Variants in NRG1 observed in about 807,000 individuals in gnomAD.
NRG1 encodes the protein neuregulin 1.
In NRG1, 18 loss-of-function variants were observed where a neutral mutation model predicts 63.8. That is an observed-to-expected ratio of 0.28 (90% CI 0.19 to 0.42). The LOEUF (loss-of-function observed/expected upper bound fraction) is 0.42, where lower values mean the gene tolerates loss of function less well. Ranked by LOEUF, NRG1 falls within the 10% of genes least tolerant of loss-of-function variation. The pLI, the probability that NRG1 is intolerant of heterozygous loss-of-function variation, is 1.00. For missense variants in NRG1, 762 were observed against 814.7 expected (o/e 0.94, Z 0.79); for synonymous variants, 302 against 301.3 (o/e 1.00, Z -0.02).
Position 32,756,412 on chromosome 8 carries a change from GA to G in NRG1, c.809del (p.Lys270SerfsTer17). ...CCTTTCTTATGTCCAGGAAACAGCGGAAAAAGCTGCATGACCGTCTTCGGCA... is the reference window on the plus strand; with the variant it reads ...CCTTTCTTATGTCCAGGAAACAGCGGAAAAGCTGCATGACCGTCTTCGGCA... On this transcript the variant is annotated frameshift_variant, in exon 9 of 12. Transcript: ENST00000356819. LOFTEE classifies it high-confidence loss of function. The G allele has an allele frequency of 6.2e-7, 1 of 1,610,264 alleles. No homozygotes were observed. Among genetic ancestry groups the G allele is most frequent in the Admixed American group, 1.7e-5 (1 of 59,034 alleles).
chr8:31,956,420 A>G (rs939631774), intron 1 of NRG1, among the ~76,000 whole-genome samples: 4 of 152,156 alleles, frequency 2.6e-5, no homozygotes, highest in Non-Finnish European at 2.9e-5. Flanking sequence ...GATCGAGACC[A>G]TCCCGGCTAA....
chr8:32,217,389 G>A (rs938193998), intron 1 of NRG1, among the ~76,000 whole-genome samples: 2 of 152,106 alleles, frequency 1.3e-5, no homozygotes, highest in South Asian at 2.1e-4. Context: ...CACACCTAAC[G>A]GAGCGTCCCC....
At chr8:32,001,630 T>C (rs1258601792) in intron 1 of NRG1, among the ~76,000 whole-genome samples, 1 of 152,026 alleles carries the variant, frequency 6.6e-6, no homozygotes, top group African/African-American at 2.4e-5. Context: ...ACACTACATT[T>C]ATTCATTATG....
chr8:32,446,328 G>C (rs1820239107), intron 1 of NRG1, among the ~76,000 whole-genome samples: 1 of 152,092 alleles, frequency 6.6e-6, no homozygotes, highest in African/African-American at 2.4e-5. Flanking sequence ...TTCAGAAGGG[G>C]CATCTTCTGG....
chr8:32,194,891 A>G (rs1842821381), intron 1 of NRG1, among the ~76,000 whole-genome samples: 1 of 152,200 alleles, frequency 6.6e-6, no homozygotes, highest in Non-Finnish European at 1.5e-5. Flanking sequence ...AAAAATTGTA[A>G]CATACATTTT....
intron 1 of NRG1, among the ~76,000 whole-genome samples, chr8:32,218,066 G>A (rs1300388562): frequency 1.3e-5 from 2 of 152,148 alleles, no homozygotes; most frequent in African/African-American, 2.4e-5. Context: ...TATCTTAAAC[G>A]GTGAAGAATT....
At chr8:32,209,638 C>T (rs1844451393) in intron 1 of NRG1, among the ~76,000 whole-genome samples, 1 of 152,086 alleles carries the variant, frequency 6.6e-6, no homozygotes, top group Non-Finnish European at 1.5e-5. Context: ...AATGTATTTG[C>T]TTTTATCAAA....
intron 1 of NRG1, among the ~76,000 whole-genome samples, chr8:32,058,373 G>T (rs1295616352): frequency 6.6e-6 from 1 of 151,878 alleles, no homozygotes; most frequent in African/African-American, 2.4e-5. Context: ...CACAACACAT[G>T]CATTGCACAC....
intron 1 of NRG1, among the ~76,000 whole-genome samples, chr8:31,670,318 C>T (rs898464514): frequency 6.6e-6 from 1 of 152,182 alleles, no homozygotes; most frequent in African/African-American, 2.4e-5. Context: ...GGCCCCTCCT[C>T]TCCAATCCCT....
chr8:32,155,453 C>T (rs1837955016), intron 1 of NRG1, among the ~76,000 whole-genome samples: 1 of 152,092 alleles, frequency 6.6e-6, no homozygotes, highest in African/African-American at 2.4e-5. Flanking sequence ...CCCCTATTTT[C>T]CCAGCATATA....
rs572335646 is a variant in NRG1 at position 31,893,152 on chromosome 8, A to C, written c.37+253721A>C. On this transcript the variant is annotated intron_variant, in intron 1 of 10. Transcript: ENST00000519301. ...ATTGTTTAATATAACCTATTTTGAT[A>C]AATAATAGTATAATAGACTATATTA... is the stretch of plus-strand genomic sequence containing the variant. 7.3e-5 allele frequency among the ~76,000 whole-genome samples: 11 copies of C among 150,342 alleles called. No homozygotes were observed. The East Asian group carries it at 2.1e-3, about 29-fold the overall frequency.
chr8:32,453,129 G>A (rs1055229213), intron 1 of NRG1, among the ~76,000 whole-genome samples: 8 of 152,062 alleles, frequency 5.3e-5, no homozygotes, highest in South Asian at 2.1e-4. Flanking sequence ...AAATCTTGCC[G>A]TGACTTTGGT....
chr8:31,945,002 A>G (rs1310312878), intron 1 of NRG1, among the ~76,000 whole-genome samples: 1 of 152,158 alleles, frequency 6.6e-6, no homozygotes, highest in Non-Finnish European at 1.5e-5. Flanking sequence ...TTCTTTTGAA[A>G]TAGTGTGCCT....
chr8:32,244,921 C>A (rs1461494470), intron 1 of NRG1, among the ~76,000 whole-genome samples: 1 of 152,132 alleles, frequency 6.6e-6, no homozygotes, highest in Non-Finnish European at 1.5e-5. Context: ...CCTGAGCATA[C>A]CAGTCCAGCA....
At chr8:32,084,998 T>C (rs1828007022) in intron 1 of NRG1, among the ~76,000 whole-genome samples, 2 of 152,232 alleles carry the variant, frequency 1.3e-5, no homozygotes. Flanking sequence ...TATAGTTTAT[T>C]ATCCAGTGAC....
At chr8:32,447,803 G>C (rs889774063) in intron 1 of NRG1, among the ~76,000 whole-genome samples, 3 of 151,058 alleles carry the variant, frequency 2.0e-5, no homozygotes, top group Non-Finnish European at 4.4e-5. Flanking sequence ...AACCAGGGAG[G>C]TCAAGGCTGC....
chr8:32,666,741 C>T (rs575928159), intron 5 of NRG1, among the ~76,000 whole-genome samples: 1 of 152,296 alleles, frequency 6.6e-6, no homozygotes, highest in African/African-American at 2.4e-5. Flanking sequence ...ACTTTGTCAT[C>T]TTGCAAACAT....
At chr8:32,303,830 C>T (rs1419656712) in intron 1 of NRG1, among the ~76,000 whole-genome samples, 2 of 152,138 alleles carry the variant, frequency 1.3e-5, no homozygotes, top group Non-Finnish European at 2.9e-5. Context: ...AGAAACCTAA[C>T]ACTCTGAAAT....
chr8:31,825,281 G>A (rs11774890), intron 1 of NRG1, among the ~76,000 whole-genome samples: 2 of 151,954 alleles, frequency 1.3e-5, no homozygotes, highest in South Asian at 2.1e-4. Context: ...CCAGCTACTC[G>A]GGAGGCTGAG....
Sources: gnomAD v4.1 joint callset for allele counts (sites outside exome capture counted in the v4.1 genomes callset) on GRCh38, gnomAD v4.1.1 for gene constraint, MANE v1.5 for transcripts, NCBI Gene and HGNC (gene_info 2026-07-23, HGNC 2026-07-21) for gene names.